The following RANBP10 variants were observed in gnomAD, a reference collection of about 807,000 sequenced individuals.
RANBP10 encodes the protein ran-binding protein 10.
A neutral mutation model predicts 72.8 loss-of-function variants in RANBP10; 24 were observed. That is an observed-to-expected ratio of 0.33 (90% CI 0.24 to 0.46). RANBP10 has a LOEUF of 0.46. Ranked by LOEUF, RANBP10 falls within the 20% of genes least tolerant of loss-of-function variation. The pLI is 1.00. For missense variants in RANBP10, 679 were observed against 817.5 expected, an observed-to-expected ratio of 0.83 and a Z score of 2.07; for synonymous variants, 310 against 322.3, an observed-to-expected ratio of 0.96 and a Z score of 0.41.
intron 3 of RANBP10, among the ~76,000 whole-genome samples, chr16:67,751,807 T>C (rs564447500): frequency 8.6e-5 from 13 of 151,990 alleles, no homozygotes; most frequent in African/African-American, 3.1e-4. Flanking sequence ...TCCCAGCTAC[T>C]CAGGAGGCTG....
At chr16:67,765,396 C>T (rs775251140) in intron 3 of RANBP10, among the ~76,000 whole-genome samples, 4 of 151,654 alleles carry the variant, frequency 2.6e-5, no homozygotes, top group Non-Finnish European at 4.4e-5. Flanking sequence ...CGTGGTGGTG[C>T]GTGCTTGTAA....
intron 3 of RANBP10, among the ~76,000 whole-genome samples, chr16:67,756,057 T>C (rs1024783288): frequency 1.3e-5 from 2 of 152,166 alleles, no homozygotes; most frequent in African/African-American, 2.4e-5. Context: ...CCCTGCATTG[T>C]CACTCAGACA....
chr16:67,799,146 G>A (rs958482923), intron 2 of RANBP10, among the ~76,000 whole-genome samples: 1 of 151,798 alleles, frequency 6.6e-6, no homozygotes, highest in African/African-American at 2.4e-5. Context: ...ATGTTGGCCA[G>A]GCTGTTCTCG....
chr16:67,802,791 G>T (rs554143122), intron 2 of RANBP10, among the ~76,000 whole-genome samples: 1 of 152,146 alleles, frequency 6.6e-6, no homozygotes, highest in South Asian at 2.1e-4. Flanking sequence ...CAGCAAGATC[G>T]ACTAAAACTG....
At chr16:67,802,613 G>A (rs1252491431) in intron 2 of RANBP10, among the ~76,000 whole-genome samples, 1 of 152,160 alleles carries the variant, frequency 6.6e-6, no homozygotes, top group Non-Finnish European at 1.5e-5. Flanking sequence ...ACTCCAGCCT[G>A]GATGATAAAG....
intron 2 of RANBP10, among the ~76,000 whole-genome samples, chr16:67,796,181 G>A (rs968512807): frequency 8.5e-5 from 13 of 152,082 alleles, no homozygotes; most frequent in Admixed American, 6.6e-4. Flanking sequence ...CTCCCAAAGC[G>A]CTGGGATTAC....
intron 2 of RANBP10, among the ~76,000 whole-genome samples, chr16:67,775,989 C>G (rs571984599): frequency 6.6e-6 from 1 of 151,252 alleles, no homozygotes. Flanking sequence ...ACTAAAAATA[C>G]AAAAAATTAG....
intron 3 of RANBP10, among the ~76,000 whole-genome samples, chr16:67,771,125 G>C (rs187444274): frequency 3.7e-4 from 56 of 152,086 alleles, no homozygotes; most frequent in Admixed American, 2.0e-3. Flanking sequence ...AGCTGGACAT[G>C]GTGATGAGCT....
rs779443603 is a variant in RANBP10, at chr16:67,729,638, T to A, written c.1147+42A>T. 6.3e-7 allele frequency: 1 copy of A among 1,580,078 alleles called. No homozygotes were observed. Among genetic ancestry groups the A allele is most frequent in the South Asian group, 1.2e-5 (1 of 85,220 alleles). ...AGGGTATGTGGAGTGGCCTCTCTCC[T>A]CCACACCAGTTCTTCCCAGAGCCCT... On this transcript the variant is annotated intron_variant, in intron 9 of 13. Coordinates refer to ENST00000317506, the MANE Select transcript of RANBP10 (RefSeq NM_020850.3). The surrounding 1 kb of genome is among the most constrained non-coding windows in gnomAD (Gnocchi z 7.1).
intron 3 of RANBP10, among the ~76,000 whole-genome samples, chr16:67,771,071 T>C (rs2054598522): frequency 6.6e-6 from 1 of 152,160 alleles, no homozygotes; most frequent in African/African-American, 2.4e-5. Flanking sequence ...AAGACCAGCC[T>C]GGGCAATGGC....
chr16:67,780,880 G>A (rs1241041411), intron 2 of RANBP10, among the ~76,000 whole-genome samples: 2 of 152,254 alleles, frequency 1.3e-5, no homozygotes, highest in African/African-American at 4.8e-5. Flanking sequence ...AGAGTTAGCA[G>A]CAGCCATTCT....
chr16:67,753,393 C>A (rs1301118446), intron 3 of RANBP10, among the ~76,000 whole-genome samples: 1 of 152,098 alleles, frequency 6.6e-6, no homozygotes, highest in African/African-American at 2.4e-5. Flanking sequence ...TGTAGTACTG[C>A]TGAGGAGGGA....
chr16:67,804,401 T>C (rs1349148655), intron 2 of RANBP10, among the ~76,000 whole-genome samples: 7 of 150,400 alleles, frequency 4.7e-5, no homozygotes, highest in Non-Finnish European at 7.4e-5. Context: ...AATGCTGACT[T>C]TTTTTTTTGT....
intron 3 of RANBP10, among the ~76,000 whole-genome samples, chr16:67,765,063 A>G (rs1402070251): frequency 6.6e-6 from 1 of 152,098 alleles, no homozygotes; most frequent in Non-Finnish European, 1.5e-5. Flanking sequence ...TTAGATGGGC[A>G]TAGTGGCTCA....
intron 2 of RANBP10, among the ~76,000 whole-genome samples, chr16:67,787,078 A>C (rs933863353): frequency 2.6e-5 from 4 of 152,084 alleles, no homozygotes; most frequent in African/African-American, 9.7e-5. Flanking sequence ...GTCTCTACTA[A>C]AAATACAAAA....
chr16:67,806,173 C>A, intron 1 of RANBP10, 129 bp downstream of exon 1: 2 of 911,996 alleles, frequency 2.2e-6, no homozygotes, highest in Non-Finnish European at 3.3e-6. Flanking sequence ...CCCTGGACAT[C>A]CTGAAAGGGC....
chr16:67,745,936 C>T (rs1190887598), intron 3 of RANBP10, among the ~76,000 whole-genome samples: 1 of 151,972 alleles, frequency 6.6e-6, no homozygotes, highest in Non-Finnish European at 1.5e-5. Flanking sequence ...GTGGGTGGAT[C>T]AACTGAGGTC....
chr16:67,794,924 T>C (rs1461754653), intron 2 of RANBP10, among the ~76,000 whole-genome samples: 4 of 95,968 alleles, frequency 4.2e-5, no homozygotes, highest in Admixed American at 2.5e-4. Flanking sequence ...AGACCCTGCC[T>C]CAAATTAAAA....
Position 67,761,075 on chromosome 16 carries a change from G to A in RANBP10, c.400+10959C>T, listed in dbSNP as rs112418135. Among the ~76,000 whole-genome samples the A allele has an allele frequency of 2.9e-3, 444 of 152,302 alleles. 4 individuals carry two copies. Among genetic ancestry groups the A allele is most frequent in the African/African-American group, 0.01 (422 of 41,568 alleles). On this transcript the variant is annotated intron_variant, in intron 3 of 13. Coordinates refer to ENST00000317506, the MANE Select transcript of RANBP10 (RefSeq NM_020850.3). ...AGTTGGATTCACCTGCCCTGCTTCC[G>A]AGTCATTTAGCCAAGAGTTCTGACA...
Sources: gnomAD v4.1 joint callset for allele counts (sites outside exome capture counted in the v4.1 genomes callset) on GRCh38, gnomAD v4.1.1 for gene constraint, Gnocchi (gnomAD v3.1) non-coding constraint, MANE v1.5 for transcripts, NCBI Gene and HGNC (gene_info 2026-07-23, HGNC 2026-07-21) for gene names.